The following ERC1 variants were observed in gnomAD, a reference collection of about 807,000 sequenced individuals.
ERC1 encodes ELKS/RAB6-interacting/CAST family member 1.
In ERC1, 56 loss-of-function variants were observed where a neutral mutation model predicts 132.0. That is an observed-to-expected ratio of 0.42 (90% CI 0.34 to 0.53). The LOEUF is 0.53. Ranked by LOEUF, ERC1 falls within the 20% of genes least tolerant of loss-of-function variation. The probability of loss-of-function intolerance (pLI) is 0.03; values close to 1 mark genes in which losing one functional copy is unlikely to be tolerated. For synonymous variants in ERC1, 478 were observed against 476.1 expected (o/e 1.00, Z -0.05); for missense variants, 1,202 against 1,349.9 (o/e 0.89, Z 1.72).
intron 15 of ERC1, among the ~76,000 whole-genome samples, chr12:1,322,576 C>T (rs1008099850): frequency 4.6e-5 from 7 of 152,116 alleles, no homozygotes; most frequent in Admixed American, 6.5e-5. Flanking sequence ...ATTACACAAA[C>T]CCATGCCAGA....
intron 18 of ERC1, among the ~76,000 whole-genome samples, chr12:1,486,613 C>T (rs948271608): frequency 4.0e-5 from 6 of 151,828 alleles, no homozygotes; most frequent in Non-Finnish European, 7.4e-5. Flanking sequence ...TTAGTAGAGA[C>T]GGGGTTTTGC....
chr12:1,229,104 T>A (rs2074828945), intron 12 of ERC1, among the ~76,000 whole-genome samples: 1 of 152,188 alleles, frequency 6.6e-6, no homozygotes, highest in Non-Finnish European at 1.5e-5. Flanking sequence ...TGTGCTTAAG[T>A]GTTTGGTGGA....
intron 12 of ERC1, among the ~76,000 whole-genome samples, chr12:1,194,298 G>A (rs1324176969): frequency 6.6e-6 from 1 of 152,110 alleles, no homozygotes; most frequent in Admixed American, 6.6e-5. Flanking sequence ...GCACATGCCT[G>A]TAGTCCCAGC....
At chr12:1,459,791 A>C (rs2093610379) in intron 18 of ERC1, among the ~76,000 whole-genome samples, 1 of 152,250 alleles carries the variant, frequency 6.6e-6, no homozygotes, top group African/African-American at 2.4e-5. Flanking sequence ...CAAGTGATTA[A>C]GGTTAGCATC....
At chr12:1,092,834 G>A (rs1593233682) in intron 3 of ERC1, among the ~76,000 whole-genome samples, 1 of 152,280 alleles carries the variant, frequency 6.6e-6, no homozygotes, top group Middle Eastern at 3.4e-3. Flanking sequence ...GGTGGTGCAC[G>A]CCTGTAATCC....
At chr12:1,322,879 T>A (rs1351534603) in intron 15 of ERC1, among the ~76,000 whole-genome samples, 1 of 152,158 alleles carries the variant, frequency 6.6e-6, no homozygotes, top group Non-Finnish European at 1.5e-5. Context: ...TCTCAAATTA[T>A]CTCTGACTTC....
chr12:1,068,720 C>A (rs1290756729), intron 2 of ERC1, among the ~76,000 whole-genome samples: 1 of 152,040 alleles, frequency 6.6e-6, no homozygotes. Context: ...CTCTTATGCC[C>A]GATTGCTTAT....
intron 6 of ERC1, among the ~76,000 whole-genome samples, 175 bp downstream of exon 6, chr12:1,112,473 C>A (rs1945997804): frequency 6.6e-6 from 1 of 152,158 alleles, no homozygotes; most frequent in Admixed American, 6.5e-5. Context: ...CTAGTTTGAC[C>A]CACATGTCAC....
intron 18 of ERC1, among the ~76,000 whole-genome samples, chr12:1,466,506 T>TA (rs2093746661): frequency 6.6e-6 from 1 of 152,124 alleles, no homozygotes; most frequent in Non-Finnish European, 1.5e-5. Flanking sequence ...ATGGGTAAAA[T>TA]AGGCTCATGG....
At chr12:1,421,227 G>T (rs542420052) in intron 17 of ERC1, among the ~76,000 whole-genome samples, 35 of 152,092 alleles carry the variant, frequency 2.3e-4, no homozygotes, top group Non-Finnish European at 2.6e-4. Context: ...CCATCTACCT[G>T]TGCTTTTACT....
At chr12:1,245,123 A>G (rs1186594647) in intron 13 of ERC1, among the ~76,000 whole-genome samples, 2 of 152,228 alleles carry the variant, frequency 1.3e-5, no homozygotes, top group East Asian at 3.8e-4. Flanking sequence ...TTTTTAAAGT[A>G]TGCACATGCA....
chr12:1,030,692 G>C (rs1301822155), intron 2 of ERC1, among the ~76,000 whole-genome samples: 1 of 152,196 alleles, frequency 6.6e-6, no homozygotes. Context: ...CTGTACTCCA[G>C]CCTGGGTGAG....
At chr12:1,216,915 T>C (rs1958484063) in intron 12 of ERC1, among the ~76,000 whole-genome samples, 1 of 151,976 alleles carries the variant, frequency 6.6e-6, no homozygotes, top group Non-Finnish European at 1.5e-5. Context: ...GAGAAAATAA[T>C]AGAGGTAGAG....
chr12:1,005,976 G>C (rs1279406816), intron 1 of ERC1, among the ~76,000 whole-genome samples: 5 of 86,044 alleles, frequency 5.8e-5, no homozygotes, highest in Non-Finnish European at 9.2e-5. Flanking sequence ...TTTTTTTTTT[G>C]AGACAGAGTC....
chr12:1,404,678 C>T (rs183639202), intron 16 of ERC1, among the ~76,000 whole-genome samples: 21 of 152,210 alleles, frequency 1.4e-4, no homozygotes, highest in African/African-American at 3.1e-4. Context: ...ATTTTAGATT[C>T]GGGGGATGCA....
chr12:1,072,840 G>A (rs2154182935), intron 2 of ERC1, among the ~76,000 whole-genome samples: 1 of 152,184 alleles, frequency 6.6e-6, no homozygotes, highest in African/African-American at 2.4e-5. Context: ...TTACAGGCAT[G>A]CACCACCATG....
chr12:1,210,566 CT>C (rs1322173305), intron 12 of ERC1, among the ~76,000 whole-genome samples: 1 of 152,158 alleles, frequency 6.6e-6, no homozygotes, highest in Non-Finnish European at 1.5e-5. Flanking sequence ...AACTTGACTC[CT>C]GTCATAGGCA....
intron 12 of ERC1, among the ~76,000 whole-genome samples, chr12:1,222,809 A>G (rs1298257702): frequency 6.6e-6 from 1 of 152,244 alleles, no homozygotes; most frequent in Non-Finnish European, 1.5e-5. Context: ...AACAGCCAGT[A>G]GAATTGTAGC....
intron 17 of ERC1, among the ~76,000 whole-genome samples, chr12:1,420,636 T>C (rs1163062101): frequency 6.6e-6 from 1 of 152,016 alleles, no homozygotes; most frequent in Non-Finnish European, 1.5e-5. Context: ...TTTGTATTTT[T>C]AGTAGAGATG....
Sources: allele counts gnomAD v4.1 joint callset (sites outside exome capture counted in the v4.1 genomes callset), GRCh38; gene constraint gnomAD v4.1.1; transcripts MANE v1.5; gene names NCBI Gene and HGNC (gene_info 2026-07-23, HGNC 2026-07-21).